Variants in LRRFIP1 observed in about 807,000 individuals in gnomAD.
The protein encoded by LRRFIP1 is LRR binding FLII interacting protein 1.
Under a neutral mutation model 104.4 loss-of-function variants are expected in LRRFIP1, and 62 were observed. The ratio of observed to expected loss-of-function variants is 0.59; its 90% CI spans 0.48 to 0.73. LRRFIP1 has a LOEUF of 0.73. LRRFIP1 is among the 30% of genes least tolerant of loss of function. The probability of loss-of-function intolerance (pLI) is 0.00; values close to 1 mark genes in which losing one functional copy is unlikely to be tolerated. For missense variants in LRRFIP1, 796 were observed against 824.5 expected, an observed-to-expected ratio of 0.97 and a Z score of 0.42; for synonymous variants, 300 against 299.0, an observed-to-expected ratio of 1.00 and a Z score of -0.03.
At chr2:237,672,138 G>GT (rs556642139) in intron 1 of LRRFIP1, among the ~76,000 whole-genome samples, 132 of 151,396 alleles carry the variant, frequency 8.7e-4, no homozygotes, top group Non-Finnish European at 1.3e-3. Context: ...TGAAAAAAAT[G>GT]TTTTTTTTCC....
rs866702090 is a variant in LRRFIP1, at chr2:237,780,817, T to C, written c.*1285T>C. Reference sequence around the variant, plus strand: ...TGGATCTAGGATATACACAGCTGCGTTGCATTAAGAAAGAGATGAAATCTC... The same window carrying C: ...TGGATCTAGGATATACACAGCTGCGCTGCATTAAGAAAGAGATGAAATCTC... On this transcript the variant is annotated 3_prime_UTR_variant, in exon 24 of 24. Transcript: ENST00000308482. 6.6e-6 allele frequency among the ~76,000 whole-genome samples: 1 copy of C among 152,346 alleles called. No individual in the cohort carries two copies. The highest frequency in any genetic ancestry group is 3.4e-3 in the Middle Eastern group (1 of 294).
intron 8 of LRRFIP1, chr2:237,729,836 G>T (rs1290021973): frequency 2.0e-6 from 2 of 985,200 alleles, no homozygotes; most frequent in Non-Finnish European, 2.4e-6. Flanking sequence ...CCAGGGAGGA[G>T]AAGTTGGTTG....
At chr2:237,720,069 C>CT in intron 5 of LRRFIP1, among the ~76,000 whole-genome samples, 1 of 151,148 alleles carries the variant, frequency 6.6e-6, no homozygotes, top group Non-Finnish European at 1.5e-5. Context: ...GTCTCAGCCT[C>CT]CCAAGTAGCT....
At chr2:237,645,891 ACTGG>A (rs1559461191) in intron 1 of LRRFIP1, among the ~76,000 whole-genome samples, 1,926 of 152,084 alleles carry the variant, frequency 0.013, 62 homozygotes, top group African/African-American at 0.043. Context: ...AGCCCTGTCC[ACTGG>A]GTTCTAGGGA....
chr2:237,714,242 T>A lies in LRRFIP1; in HGVS notation c.184-17T>A, dbSNP rs2094232967. On this transcript the variant is annotated splice_polypyrimidine_tract_variant and intron_variant, in intron 2 of 23. Coordinates refer to ENST00000308482, the MANE Select transcript of LRRFIP1 (RefSeq NM_001137550.2). ...ATTGGATTTTACATTTCTTTTTTCT[T>A]CTGTCCTTCTCTATAGATCTATCAG... 1.3e-6 allele frequency: 2 copies of A among 1,576,770 alleles called. No homozygotes were observed. The highest frequency in any genetic ancestry group is 1.7e-4 in the Middle Eastern group (1 of 5,904).
In LRRFIP1 at chr2:237,754,449, G is replaced by A. The variant is rs372615920; in HGVS notation, c.1038+970G>A. ...AGTAATGACAGCGGACTGATTCCAC[G>A]AAGGCTGGGCTTGGATGTTCTTTAG... On this transcript the variant is annotated intron_variant, in intron 15 of 23. Transcript: ENST00000308482. 1.3e-3 allele frequency among the ~76,000 whole-genome samples: 192 copies of A among 152,316 alleles called. 1 individual carries two copies. Among genetic ancestry groups the A allele is most frequent in the African/African-American group, 4.5e-3 (186 of 41,568 alleles).
intron 15 of LRRFIP1, 46 bp from the exon 16 acceptor site, chr2:237,756,049 G>A: frequency 7.3e-7 from 1 of 1,368,494 alleles, no homozygotes; most frequent in Non-Finnish European, 1.0e-6. Context: ...TGGCATGCCA[G>A]AAACATGGGA....
Position 237,691,827 on chromosome 2 carries a change from G to A in LRRFIP1, c.97-16717G>A, listed in dbSNP as rs1035584300. Among the ~76,000 whole-genome samples the A allele has an allele frequency of 6.6e-6, 1 of 152,184 alleles. No homozygotes were observed. The highest frequency in any genetic ancestry group is 1.5e-5 in the Non-Finnish European group (1 of 68,008). On this transcript the variant is annotated intron_variant, in intron 1 of 23. Coordinates refer to ENST00000308482, the MANE Select transcript of LRRFIP1 (RefSeq NM_001137550.2). The surrounding 1 kb of genome is among the most constrained non-coding windows in gnomAD (Gnocchi z 5.4). ...GTCTTTTCCTCCAGGTCCTCTTTCC[G>A]GCGGGGGCCGGAGGGGTGGTGATGG...
At chr2:237,680,944 G>C (rs2149635998) in intron 1 of LRRFIP1, among the ~76,000 whole-genome samples, 1 of 152,280 alleles carries the variant, frequency 6.6e-6, no homozygotes, top group Admixed American at 6.5e-5. Context: ...TCACGCCACT[G>C]CACTCCAGGC....
intron 1 of LRRFIP1, among the ~76,000 whole-genome samples, chr2:237,708,271 T>G (rs2093911272): frequency 6.6e-6 from 1 of 152,236 alleles, no homozygotes; most frequent in South Asian, 2.1e-4. Flanking sequence ...AGTCTCGGCC[T>G]AATGAGGCTG....
At chr2:237,637,326 G>A (rs1284258476) in intron 1 of LRRFIP1, among the ~76,000 whole-genome samples, 1 of 152,142 alleles carries the variant, frequency 6.6e-6, no homozygotes, top group Non-Finnish European at 1.5e-5. Flanking sequence ...AAATTAGCCA[G>A]ATGTGGTGGC....
chr2:237,663,727 T>A (rs988759297), intron 1 of LRRFIP1, among the ~76,000 whole-genome samples: 1 of 152,208 alleles, frequency 6.6e-6, no homozygotes, highest in Non-Finnish European at 1.5e-5. Flanking sequence ...TCACAGACAC[T>A]GTGGAACTGA....
rs1392814560 is a variant in LRRFIP1 at position 237,702,247 on chromosome 2, C to T, written c.97-6297C>T. On this transcript the variant is annotated intron_variant, in intron 1 of 23. Transcript: ENST00000308482. ...TAAGACGCAACAATAGAACTCGAGT[C>T]GTGGTTCGGCTTTCTAGGATTAGGA... Among the ~76,000 whole-genome samples the T allele has an allele frequency of 2.0e-5, 3 of 152,188 alleles. No individual in the cohort carries two copies. In the East Asian group the frequency reaches 5.8e-4, roughly 29 times the overall value.
chr2:237,634,177 C>A (rs1348119494), intron 1 of LRRFIP1, among the ~76,000 whole-genome samples: 2 of 152,182 alleles, frequency 1.3e-5, no homozygotes, highest in African/African-American at 4.8e-5. Flanking sequence ...AGTCCTTAAA[C>A]AAGCTACAAG....
At chr2:237,648,277 G>A (rs1221792037) in intron 1 of LRRFIP1, among the ~76,000 whole-genome samples, 1 of 151,882 alleles carries the variant, frequency 6.6e-6, no homozygotes, top group Admixed American at 6.6e-5. Context: ...AAATAGCTGC[G>A]ATTCAGAGCA....
chr2:237,655,749 C>T (rs987434455), intron 1 of LRRFIP1, among the ~76,000 whole-genome samples: 3 of 152,202 alleles, frequency 2.0e-5, no homozygotes, highest in Admixed American at 6.5e-5. Flanking sequence ...GAAAACAACA[C>T]GACAGGCCAG....
rs1474994712 is a variant in LRRFIP1 at position 237,712,553 on chromosome 2, T to C, written c.184-1706T>C. 3.3e-5 allele frequency among the ~76,000 whole-genome samples: 5 copies of C among 152,250 alleles called. No individual in the cohort carries two copies. The East Asian group carries it at 9.6e-4, about 29-fold the overall frequency. On this transcript the variant is annotated intron_variant, in intron 2 of 23. Transcript: ENST00000308482. ...AAATACAGAATGAGTAGCTTTCACC[T>C]AGCTGTGCTTTTATGTGACCCAAAG...
At chr2:237,642,527 G>A (rs2084162877) in intron 1 of LRRFIP1, among the ~76,000 whole-genome samples, 1 of 151,208 alleles carries the variant, frequency 6.6e-6, no homozygotes, top group African/African-American at 2.4e-5. Flanking sequence ...TCCAGGCTAA[G>A]GGTTTCAGGT....
intron 1 of LRRFIP1, among the ~76,000 whole-genome samples, chr2:237,675,424 C>T (rs775605845): frequency 2.0e-5 from 3 of 152,204 alleles, no homozygotes; most frequent in South Asian, 2.1e-4. Context: ...CCCTATGTTT[C>T]GTTACATGCG....
Sources: gnomAD v4.1 joint callset for allele counts (sites outside exome capture counted in the v4.1 genomes callset) on GRCh38, gnomAD v4.1.1 for gene constraint, Gnocchi (gnomAD v3.1) non-coding constraint, MANE v1.5 for transcripts, NCBI Gene and HGNC (gene_info 2026-07-23, HGNC 2026-07-21) for gene names.